The following TRAF7 variants were observed in gnomAD, a reference collection of about 807,000 sequenced individuals.
TRAF7 encodes the protein TNF receptor associated factor 7.
A neutral mutation model predicts 89.3 loss-of-function variants in TRAF7; 45 were observed. The ratio of observed to expected loss-of-function variants is 0.50; its 90% CI spans 0.40 to 0.65. The LOEUF (loss-of-function observed/expected upper bound fraction) is 0.65. Among genes scored for constraint, TRAF7 ranks in the 30% least tolerant of loss-of-function variants. The pLI is 0.00. For synonymous variants in TRAF7, 406 were observed against 369.2 expected (o/e 1.10, Z -1.14); for missense variants, 677 against 918.1 (o/e 0.74, Z 3.39).
rs368909792 is a variant in TRAF7 at position 2,163,943 on chromosome 16, G to A, written c.23G>A (p.Arg8His). ...AGCATGAGCTCAGGCAAGAGTGCCC[G>A]CTACAACCGCTTCTCCGGGGGGCCC... MSSGKSA[R>H]YNRFSGGPSN... The change falls in exon 2 of 21, where the codon CGC becomes CAC. Residue 8 changes from arginine to histidine, a missense_variant. Arg to His is a conservative substitution (Grantham distance 29). This residue lies in a region of TRAF7 where 240 missense variants were observed against 191.9 expected (regional missense o/e 1.25). Coordinates refer to ENST00000326181, the MANE Select transcript of TRAF7 (RefSeq NM_032271.3). This position sits in a 1 kb window ranked among gnomAD's most constrained non-coding sequence, Gnocchi z 4.3. 6.4e-5 allele frequency: 104 copies of A among 1,612,582 alleles called. No homozygotes were observed. The highest frequency in any genetic ancestry group is 1.1e-4 in the East Asian group (5 of 44,846).
At position 2,171,554 on chromosome 16, in the gene TRAF7, CG is replaced by C. The variant is rs1182816595; in HGVS notation, c.442-17del. On this transcript the variant is annotated splice_polypyrimidine_tract_variant and intron_variant, in intron 6 of 20. Coordinates refer to ENST00000326181, the MANE Select transcript of TRAF7 (RefSeq NM_032271.3). ...GAGGACCCTGCGCCACCCTCAAGCC[CG>C]CCCTTTGCCTCCACAGCACACGTTC... 4.3e-6 allele frequency: 7 copies of C among 1,613,118 alleles called. No individual in the cohort carries two copies. The African/African-American group carries it at 6.7e-5, about 15-fold the overall frequency.
At position 2,168,429 on chromosome 16, in the gene TRAF7, A is replaced by G. The variant is rs985508513; in HGVS notation, c.231+261A>G. On this transcript the variant is annotated intron_variant, in intron 4 of 20. Transcript: ENST00000326181. The surrounding 1 kb of genome is among the most constrained non-coding windows in gnomAD (Gnocchi z 4.1). ...TGGCACCTGCAGGCCAGGATGAGGC[A>G]TATTTGGCTCCATCTTAAGGGAGGT... 17 of 455,844 alleles carry G rather than the reference A, an allele frequency of 3.7e-5. No homozygotes were observed. Among genetic ancestry groups the G allele is most frequent in the African/African-American group, 2.8e-4 (14 of 49,788 alleles). 28.2% of individuals were successfully genotyped at this position (455,844 alleles called of 1,614,324 possible).
intron 7 of TRAF7, 132 bp from the exon 8 acceptor site, chr16:2,172,059 C>T (rs1392325089): frequency 1.9e-6 from 2 of 1,063,674 alleles, no homozygotes; most frequent in East Asian, 2.6e-5. Flanking sequence ...CCCACCTGTG[C>T]CCCCGTTCCC....
At chr16:2,165,978 G>T in intron 3 of TRAF7, 42 bp downstream of exon 3, 3 of 1,612,136 alleles carry the variant, frequency 1.9e-6, no homozygotes, top group African/African-American at 2.7e-5. Flanking sequence ...GGGAATAACC[G>T]GGGCACCCCC....
chr16:2,173,625 C>T, intron 11 of TRAF7, 71 bp downstream of exon 11: 3 of 1,591,550 alleles, frequency 1.9e-6, no homozygotes, highest in Non-Finnish European at 2.6e-6. Context: ...AGGGAGGCCT[C>T]CCCTGGCCTT....
rs2093047055 is a variant in TRAF7, at chr16:2,158,949, T to C, written c.-39+3091T>C. Among the ~76,000 whole-genome samples, 1 of 152,074 alleles carries C rather than the reference T, an allele frequency of 6.6e-6. No homozygotes were observed. ...CTCCCCACTCTGGATCCCAGCAGCC[T>C]CATCCTCCAGGAAGCCCTCTGGACT... On this transcript the variant is annotated intron_variant, in intron 1 of 20. Coordinates refer to ENST00000326181, the MANE Select transcript of TRAF7 (RefSeq NM_032271.3). This position sits in a 1 kb window ranked among gnomAD's most constrained non-coding sequence, Gnocchi z 4.7.
intron 8 of TRAF7, 35 bp downstream of exon 8, chr16:2,172,409 G>A: frequency 6.2e-7 from 1 of 1,611,024 alleles, no homozygotes. Flanking sequence ...CTGCCTCCCT[G>A]GGGGCTGCTT....
In TRAF7 at chr16:2,158,124, C is replaced by T. The variant is rs1031705300; in HGVS notation, c.-39+2266C>T. Among the ~76,000 whole-genome samples, 1 of 152,182 alleles carries T rather than the reference C, an allele frequency of 6.6e-6. No homozygotes were observed. The highest frequency in any genetic ancestry group is 1.5e-5 in the Non-Finnish European group (1 of 68,040). ...TGTCACAGCATCTCCTGGATGGACA[C>T]CCTGCGGGGTCAGGGAGGGCATGTG... On this transcript the variant is annotated intron_variant, in intron 1 of 20. Coordinates refer to ENST00000326181, the MANE Select transcript of TRAF7 (RefSeq NM_032271.3). This position sits in a 1 kb window ranked among gnomAD's most constrained non-coding sequence, Gnocchi z 4.7.
At position 2,163,498 on chromosome 16, in the gene TRAF7, A is replaced by C; in HGVS notation, c.-38-385A>C. 1 of 233,074 alleles carries C rather than the reference A, an allele frequency of 4.3e-6. No homozygotes were observed. Among genetic ancestry groups the C allele is most frequent in the Non-Finnish European group, 8.7e-6 (1 of 115,016 alleles). 14.4% of individuals were successfully genotyped at this position (233,074 alleles called of 1,614,324 possible). A position where few individuals can be genotyped will look rare whatever the true frequency, so the allele number is the denominator to read the frequency against. On this transcript the variant is annotated intron_variant, in intron 1 of 20. Transcript: ENST00000326181. This position sits in a 1 kb window ranked among gnomAD's most constrained non-coding sequence, Gnocchi z 4.3. ...GCCACGTGGGCCACACCCTGGGCCT[A>C]CCCACCAAGGCCCAGCCTTGGCCCC...
chr16:2,157,913 G>C (rs978746299), intron 1 of TRAF7, among the ~76,000 whole-genome samples: 10 of 152,198 alleles, frequency 6.6e-5, no homozygotes, highest in Admixed American at 5.2e-4. Flanking sequence ...CAGAGGAGCT[G>C]CTGTCTGGGG....
Position 2,161,313 on chromosome 16 carries a change from T to C in TRAF7, c.-38-2570T>C, listed in dbSNP as rs1049524695. 2.0e-5 allele frequency among the ~76,000 whole-genome samples: 3 copies of C among 150,948 alleles called. No individual in the cohort carries two copies. Among genetic ancestry groups the C allele is most frequent in the African/African-American group, 7.3e-5 (3 of 41,142 alleles). On this transcript the variant is annotated intron_variant, in intron 1 of 20. Coordinates refer to ENST00000326181, the MANE Select transcript of TRAF7 (RefSeq NM_032271.3). This position sits in a 1 kb window ranked among gnomAD's most constrained non-coding sequence, Gnocchi z 5.2. The stretch of plus-strand genomic sequence containing the variant: ...TCTTGCGCACACCCCACAGATCCTG[T>C]GGTGTTGTCCCCGTGGCCCGGCTGC...
rs2093120945 is a variant in TRAF7 at position 2,173,208 on chromosome 16, C to T, written c.821C>T (p.Thr274Ile). Residue 274 changes from threonine to isoleucine, a missense_variant, in exon 10 of 21, where the codon ACT becomes ATT. Coordinates refer to ENST00000326181, the MANE Select transcript of TRAF7 (RefSeq NM_032271.3). ...TGCACGTTCATCGGGAACCAGGACA[C>T]TTACGAGACCCACCTGGAGACTTGC... is the stretch of plus-strand genomic sequence containing the variant. ...YGCTFIGNQD[T>I]YETHLETCRF... 1.9e-6 allele frequency: 3 copies of T among 1,611,428 alleles called. No individual in the cohort carries two copies. The highest frequency in any genetic ancestry group is 2.2e-5 in the East Asian group (1 of 44,834).
intron 3 of TRAF7, among the ~76,000 whole-genome samples, chr16:2,167,488 C>T (rs548975306): frequency 6.6e-6 from 1 of 152,170 alleles, no homozygotes. Flanking sequence ...GGAGGGAGGG[C>T]ACTTCAGCTC....
In TRAF7 at chr16:2,175,160, G is replaced by T; in HGVS notation, c.1386+10G>T. Reference sequence around the variant, plus strand: ...AGACTGCACCATCATTGTGAGTGGGGCCTACAGGCGGGTGGGCAGGAGGCG... The same window carrying T: ...AGACTGCACCATCATTGTGAGTGGGTCCTACAGGCGGGTGGGCAGGAGGCG... On this transcript the variant is annotated intron_variant, in intron 15 of 20. Coordinates refer to ENST00000326181, the MANE Select transcript of TRAF7 (RefSeq NM_032271.3). 1 of 1,613,640 alleles carries T rather than the reference G, an allele frequency of 6.2e-7. No individual in the cohort carries two copies. The highest frequency in any genetic ancestry group is 8.5e-7 in the Non-Finnish European group (1 of 1,179,926).
intron 9 of TRAF7, 38 bp downstream of exon 9, chr16:2,172,637 G>T (rs1326669315): frequency 2.6e-6 from 4 of 1,528,138 alleles, no homozygotes; most frequent in Non-Finnish European, 3.5e-6. Flanking sequence ...CGGGGTGGGC[G>T]CAGGCCCTCC....
chr16:2,165,845 G>C (rs376882349), intron 2 of TRAF7, 34 bp from the exon 3 acceptor site: 212 of 1,613,648 alleles, frequency 1.3e-4, no homozygotes, highest in Admixed American at 2.3e-4. Flanking sequence ...TTGTGTCCCG[G>C]AATGAGGCCA....
At chr16:2,160,777 C>T (rs953795360) in intron 1 of TRAF7, among the ~76,000 whole-genome samples, 4 of 152,084 alleles carry the variant, frequency 2.6e-5, no homozygotes, top group Non-Finnish European at 2.9e-5. Context: ...ATTCTCACTC[C>T]GGTTGACAAC....
rs1555465095 is a variant in TRAF7 at position 2,158,773 on chromosome 16, G to GGC, written c.-39+2916_-39+2917insCG. Among the ~76,000 whole-genome samples, 1 of 151,326 alleles carries GGC rather than the reference G, an allele frequency of 6.6e-6. No individual in the cohort carries two copies. The highest frequency in any genetic ancestry group is 1.9e-4 in the East Asian group (1 of 5,136). ...ACTGGGAAGCGTGGGCTCGGCGGGGGGGGGGGGGACACTGCCACCCTTGGC... is the reference window on the plus strand; with the variant it reads ...ACTGGGAAGCGTGGGCTCGGCGGGGGGCGGGGGGGGACACTGCCACCCTTGGC... On this transcript the variant is annotated intron_variant, in intron 1 of 20. Transcript: ENST00000326181. The surrounding 1 kb of genome is among the most constrained non-coding windows in gnomAD (Gnocchi z 4.7).
intron 9 of TRAF7, 97 bp from the exon 10 acceptor site, chr16:2,173,085 G>A (rs1270773802): frequency 2.6e-6 from 3 of 1,136,132 alleles, no homozygotes; most frequent in Non-Finnish European, 2.5e-6. Context: ...GACCTGGGGT[G>A]CAGCGGCCAC....
Sources: gnomAD v4.1 joint callset for allele counts (sites outside exome capture counted in the v4.1 genomes callset) on GRCh38, gnomAD v4.1.1 for gene constraint, gnomAD v4.1.1 regional missense constraint, Gnocchi (gnomAD v3.1) non-coding constraint, MANE v1.5 for transcripts, NCBI Gene and HGNC (gene_info 2026-07-23, HGNC 2026-07-21) for gene names.